Variants in CDK14 observed in about 807,000 individuals in gnomAD.
The protein encoded by CDK14 is cyclin dependent kinase 14, also known as cyclin-dependent kinase 14.
In CDK14, 34 loss-of-function variants were observed where a neutral mutation model predicts 60.7. That is an observed-to-expected ratio of 0.56 (90% CI 0.43 to 0.75). The LOEUF is 0.75. Among genes scored for constraint, CDK14 ranks in the 30% least tolerant of loss-of-function variants. The pLI is 0.00. For synonymous variants in CDK14, 197 were observed against 203.7 expected, an observed-to-expected ratio of 0.97 and a Z score of 0.28; for missense variants, 482 against 564.1, an observed-to-expected ratio of 0.85 and a Z score of 1.47.
intron 5 of CDK14, among the ~76,000 whole-genome samples, chr7:90,844,988 G>A (rs1450816490): frequency 6.6e-6 from 1 of 152,048 alleles, no homozygotes; most frequent in Non-Finnish European, 1.5e-5. Context: ...AATATCTAGC[G>A]AGAGAGAGAG....
chr7:91,004,563 G>C (rs566923231), intron 10 of CDK14, among the ~76,000 whole-genome samples: 1 of 152,254 alleles, frequency 6.6e-6, no homozygotes, highest in South Asian at 2.1e-4. Context: ...TTTTGAAGGA[G>C]ACTCCTATTT....
chr7:90,962,578 G>A (rs1794633131), intron 9 of CDK14, among the ~76,000 whole-genome samples: 1 of 152,154 alleles, frequency 6.6e-6, no homozygotes, highest in African/African-American at 2.4e-5. Context: ...GTATATGTGT[G>A]TTTTCAGTGC....
intron 14 of CDK14, among the ~76,000 whole-genome samples, chr7:91,192,110 G>A (rs1174204099): frequency 1.3e-5 from 2 of 152,084 alleles, no homozygotes; most frequent in African/African-American, 4.8e-5. Context: ...TCCTAGCAAG[G>A]AAGGCACAAG....
chr7:91,171,840 T>C (rs1240030027), intron 14 of CDK14, among the ~76,000 whole-genome samples: 3 of 152,158 alleles, frequency 2.0e-5, no homozygotes, highest in Non-Finnish European at 4.4e-5. Context: ...AGAGACCTGG[T>C]TTCACCATGT....
At chr7:90,644,102 C>T (rs1253883496) in intron 2 of CDK14, among the ~76,000 whole-genome samples, 2 of 152,210 alleles carry the variant, frequency 1.3e-5, no homozygotes, top group Admixed American at 6.5e-5. Flanking sequence ...TCTCCCTCTA[C>T]TCCGTGTGAG....
intron 14 of CDK14, among the ~76,000 whole-genome samples, chr7:91,202,385 T>C (rs112888857): frequency 2.6e-5 from 4 of 152,256 alleles, no homozygotes; most frequent in African/African-American, 9.6e-5. Flanking sequence ...ACTAATCTTA[T>C]GATTTATATA....
At chr7:90,607,236 CT>C (rs1376466212) in intron 2 of CDK14, among the ~76,000 whole-genome samples, 1 of 152,072 alleles carries the variant, frequency 6.6e-6, no homozygotes, top group African/African-American at 2.4e-5. Flanking sequence ...TGTTTTTTAC[CT>C]TCTCTCTCCT....
intron 6 of CDK14, among the ~76,000 whole-genome samples, chr7:90,873,954 G>A (rs1250394184): frequency 6.6e-6 from 1 of 151,968 alleles, no homozygotes; most frequent in Non-Finnish European, 1.5e-5. Context: ...ATTTATATTA[G>A]CATGTTAATA....
At chr7:90,868,859 T>C (rs1192527773) in intron 6 of CDK14, among the ~76,000 whole-genome samples, 1 of 152,196 alleles carries the variant, frequency 6.6e-6, no homozygotes, top group Non-Finnish European at 1.5e-5. Context: ...GGTAAAGATA[T>C]GACTTTAGCT....
chr7:90,841,680 A>ACACACACACACG (rs1181914712), intron 5 of CDK14, among the ~76,000 whole-genome samples: 1 of 151,680 alleles, frequency 6.6e-6, no homozygotes. Context: ...ACACACACAC[A>ACACACACACACG]CACACACACA....
chr7:90,771,964 T>G (rs1804800788), intron 4 of CDK14, among the ~76,000 whole-genome samples: 1 of 152,238 alleles, frequency 6.6e-6, no homozygotes, highest in Admixed American at 6.5e-5. Flanking sequence ...GTGTAATGAT[T>G]GGAAAATGTT....
intron 10 of CDK14, among the ~76,000 whole-genome samples, chr7:91,009,116 A>G (rs769116626): frequency 4.6e-5 from 7 of 152,070 alleles, no homozygotes; most frequent in African/African-American, 1.4e-4. Flanking sequence ...AACATAAGTT[A>G]TCTACTTTTG....
chr7:90,605,521 T>C (rs1251805916), intron 2 of CDK14, among the ~76,000 whole-genome samples: 1 of 152,222 alleles, frequency 6.6e-6, no homozygotes, highest in Non-Finnish European at 1.5e-5. Context: ...GTAGTGTTGT[T>C]ATTGAGATAT....
chr7:90,670,965 G>A (rs1801084678), intron 2 of CDK14, among the ~76,000 whole-genome samples: 4 of 152,114 alleles, frequency 2.6e-5, no homozygotes, highest in Admixed American at 2.6e-4. Context: ...AACAAAAGCT[G>A]GTGGGCTTTA....
At chr7:91,145,938 A>G (rs1000877394) in intron 14 of CDK14, among the ~76,000 whole-genome samples, 2 of 151,352 alleles carry the variant, frequency 1.3e-5, no homozygotes, top group African/African-American at 4.9e-5. Flanking sequence ...TTATTTATTT[A>G]TTTATTTATT....
intron 10 of CDK14, among the ~76,000 whole-genome samples, chr7:91,036,302 C>G (rs1300534843): frequency 6.6e-6 from 1 of 152,178 alleles, no homozygotes; most frequent in Non-Finnish European, 1.5e-5. Context: ...GAAGCCACCC[C>G]CAGTTCCTTG....
At chr7:90,999,425 TA>T (rs11291818) in intron 10 of CDK14, among the ~76,000 whole-genome samples, 105,692 of 147,094 alleles carry the variant, frequency 0.72, 37,803 homozygotes, top group East Asian at 0.79. Flanking sequence ...CGTCTCTACT[TA>T]AAAAAAAAAA....
intron 14 of CDK14, among the ~76,000 whole-genome samples, chr7:91,179,103 T>A (rs1027857883): frequency 2.6e-5 from 4 of 152,024 alleles, no homozygotes; most frequent in Admixed American, 1.3e-4. Context: ...GTGGCACATA[T>A]ACACCATGGA....
intron 9 of CDK14, among the ~76,000 whole-genome samples, chr7:90,968,230 ATGT>A (rs1390498905): frequency 2.0e-5 from 3 of 152,180 alleles, no homozygotes; most frequent in Non-Finnish European, 4.4e-5. Context: ...TATTCTTCAA[ATGT>A]TGTATCCTTA....
Sources: allele counts gnomAD v4.1 joint callset (sites outside exome capture counted in the v4.1 genomes callset), GRCh38; gene constraint gnomAD v4.1.1; transcripts MANE v1.5; gene names NCBI Gene and HGNC (gene_info 2026-07-23, HGNC 2026-07-21).